The following LDB3 variants were observed in gnomAD, a reference collection of about 807,000 sequenced individuals.
The protein encoded by LDB3 is LIM domain-binding protein 3.
A neutral mutation model predicts 69.0 loss-of-function variants in LDB3; 49 were observed. The ratio of observed to expected loss-of-function variants is 0.71; its 90% confidence interval spans 0.56 to 0.90. The LOEUF is 0.90. Ranked by LOEUF, LDB3 falls within the 40% of genes least tolerant of loss-of-function variation. The probability of loss-of-function intolerance (pLI) is 0.00; values close to 1 mark genes in which losing one functional copy is unlikely to be tolerated. For missense variants in LDB3, 928 were observed against 974.1 expected (o/e 0.95, Z 0.63); for synonymous variants, 387 against 396.2 (o/e 0.98, Z 0.28).
Position 86,716,465 on chromosome 10 carries a change from C to T in LDB3, c.1370C>T (p.Pro457Leu), listed in dbSNP as rs1177441543. 18 of 1,608,038 alleles carry T rather than the reference C, an allele frequency of 1.1e-5. No homozygotes were observed. Among genetic ancestry groups the T allele is most frequent in the Non-Finnish European group, 1.5e-5 (18 of 1,177,810 alleles). Residue 457 changes from proline to leucine, a missense_variant, in exon 10 of 14, where the codon CCA (proline) becomes CTA (leucine). Transcript: ENST00000361373. ...CCTGTCCCCACCTACACTCCATCCC[C>T]AGCACCAGCCTATACCCCCTCACCT... ...PSPVPTYTPSPAPAYTPSPAP... is the reference protein window; with the variant it reads ...PSPVPTYTPSLAPAYTPSPAP...
intron 8 of LDB3, among the ~76,000 whole-genome samples, chr10:86,709,077 G>T (rs565459716): frequency 6.6e-6 from 1 of 152,312 alleles, no homozygotes; most frequent in East Asian, 1.9e-4. Context: ...GTTCTGCAAG[G>T]TGTTCATTAG....
intron 2 of LDB3, among the ~76,000 whole-genome samples, chr10:86,675,692 C>T (rs187456158): frequency 1.3e-5 from 2 of 152,324 alleles, no homozygotes; most frequent in Admixed American, 6.5e-5. Context: ...CTTTGAAATG[C>T]CCGGCAAATG....
chr10:86,692,212 G>A, intron 6 of LDB3, 147 bp downstream of exon 6: 1 of 964,766 alleles, frequency 1.0e-6, no homozygotes, highest in Non-Finnish European at 1.5e-6. Flanking sequence ...TGGCTGGCAG[G>A]GCTCCTTCTG....
intron 5 of LDB3, among the ~76,000 whole-genome samples, chr10:86,691,217 G>A (rs187612447): frequency 4.4e-4 from 67 of 152,332 alleles, no homozygotes; most frequent in Admixed American, 1.4e-3. Context: ...CTAAGGGAAG[G>A]TCACCTGGTC....
chr10:86,703,554 G>T (rs1431410610), intron 7 of LDB3, among the ~76,000 whole-genome samples: 1 of 152,228 alleles, frequency 6.6e-6, no homozygotes, highest in African/African-American at 2.4e-5. Flanking sequence ...TTATGGAGAA[G>T]GATGGCACTC....
chr10:86,671,442 A>T (rs959948700), intron 2 of LDB3, among the ~76,000 whole-genome samples: 1 of 152,180 alleles, frequency 6.6e-6, no homozygotes, highest in Non-Finnish European at 1.5e-5. Context: ...GCATCCCTTC[A>T]TAGGGTCTCT....
upstream of LDB3, among the ~76,000 whole-genome samples, chr10:86,667,285 C>A (rs34499525): frequency 0.03 from 4,634 of 152,214 alleles, 182 homozygotes; most frequent in African/African-American, 0.092. Context: ...TCTACTGACT[C>A]CTCAGGGTCC....
At position 86,695,008 on chromosome 10, in the gene LDB3, G is replaced by A. The variant is rs1002169732; in HGVS notation, c.896+2437G>A. Reference sequence around the variant, plus strand: ...GGGATTCTCAGGGTCTCTCTTGAAGGCTGAGTTTCCCCAGGAAGGCTTCCC... The same window carrying A: ...GGGATTCTCAGGGTCTCTCTTGAAGACTGAGTTTCCCCAGGAAGGCTTCCC... On this transcript the variant is annotated intron_variant, in intron 7 of 13. Coordinates refer to ENST00000361373, the MANE Select transcript of LDB3 (RefSeq NM_007078.3). Among the ~76,000 whole-genome samples, 3 of 152,174 alleles carry A rather than the reference G, an allele frequency of 2.0e-5. No homozygotes were observed. In the East Asian group the frequency reaches 5.8e-4, roughly 29 times the overall value.
At chr10:86,702,750 TG>T (rs1315374249) in intron 7 of LDB3, among the ~76,000 whole-genome samples, 2 of 152,166 alleles carry the variant, frequency 1.3e-5, no homozygotes, top group African/African-American at 4.8e-5. Flanking sequence ...TCAGAGGGTT[TG>T]TGGAACTTCA....
chr10:86,676,064 G>C (rs1320601392), intron 2 of LDB3, among the ~76,000 whole-genome samples: 1 of 152,264 alleles, frequency 6.6e-6, no homozygotes, highest in Non-Finnish European at 1.5e-5. Flanking sequence ...AATGAGTCTG[G>C]GGGTAAGGGC....
At chr10:86,668,878 C>G in intron 2 of LDB3, 94 bp downstream of exon 2, 9 of 978,498 alleles carry the variant, frequency 9.2e-6, no homozygotes, top group Non-Finnish European at 1.4e-5. Flanking sequence ...CTTTCTGAGC[C>G]TCTCAGAAAG....
intron 7 of LDB3, among the ~76,000 whole-genome samples, chr10:86,696,756 C>T (rs1423853007): frequency 6.6e-6 from 1 of 152,194 alleles, no homozygotes; most frequent in Non-Finnish European, 1.5e-5. Flanking sequence ...GGAGCCCCAC[C>T]ACATGGACTT....
chr10:86,682,268 G>A (rs1845198154), intron 5 of LDB3, among the ~76,000 whole-genome samples: 1 of 152,180 alleles, frequency 6.6e-6, no homozygotes, highest in Non-Finnish European at 1.5e-5. Context: ...TCTGGGACTA[G>A]GAATAGTCTG....
rs45578434 is a variant in LDB3 at position 86,734,579 on chromosome 10, T to A, written c.*1603T>A. On this transcript the variant is annotated 3_prime_UTR_variant, in exon 14 of 14. Coordinates refer to ENST00000361373, the MANE Select transcript of LDB3 (RefSeq NM_007078.3). ...TTATGGGAATGTATTAGAACTCTTT[T>A]CTTCTAAGGACTGAGACTTCCAGGG... The A allele has an allele frequency of 6.6e-4, 100 of 152,344 alleles. No individual in the cohort carries two copies. Among genetic ancestry groups the A allele is most frequent in the African/African-American group, 2.2e-3 (93 of 41,586 alleles). The allele number at this position is 152,344 out of a possible 1,614,324, so 9.4% of individuals were successfully genotyped here. A position where few individuals can be genotyped will look rare whatever the true frequency, so the allele number is the denominator to read the frequency against.
At chr10:86,677,589 C>T (rs1461597260) in intron 2 of LDB3, among the ~76,000 whole-genome samples, 1 of 152,134 alleles carries the variant, frequency 6.6e-6, no homozygotes, top group Admixed American at 6.5e-5. Context: ...CCTGAGATTC[C>T]ATGGGGAATT....
At chr10:86,719,358 T>C (rs1258968069) in intron 12 of LDB3, among the ~76,000 whole-genome samples, 3 of 151,548 alleles carry the variant, frequency 2.0e-5, no homozygotes, top group African/African-American at 7.3e-5. Context: ...CACCACTGTA[T>C]TCAGCCTAGG....
In LDB3 at chr10:86,713,016, T is replaced by G. The variant is rs184199319; in HGVS notation, c.1231+2966T>G. 3.9e-4 allele frequency among the ~76,000 whole-genome samples: 60 copies of G among 152,102 alleles called. No homozygotes were observed. In the East Asian group the frequency reaches 0.011, roughly 28 times the overall value. On this transcript the variant is annotated intron_variant, in intron 9 of 13. Coordinates refer to ENST00000361373, the MANE Select transcript of LDB3 (RefSeq NM_007078.3). ...GCAGAGGTGGCTGTGAAGCCGAGAT[T>G]GCGCCACTGCACTCCAACTTGGGCG...
rs527340832 is a variant in LDB3, at chr10:86,700,512, A to C, written c.897-6019A>C. Among the ~76,000 whole-genome samples, 3 of 152,272 alleles carry C rather than the reference A, an allele frequency of 2.0e-5. No individual in the cohort carries two copies. In the East Asian group the frequency reaches 5.8e-4, roughly 29 times the overall value. On this transcript the variant is annotated intron_variant, in intron 7 of 13. Transcript: ENST00000361373. ...CACCTGGGCTGAGAAGCAGTTCACA[A>C]GGGAACTCAGGGGGCCAGGGCTGGG... is the stretch of plus-strand genomic sequence containing the variant.
intron 2 of LDB3, among the ~76,000 whole-genome samples, chr10:86,676,877 C>G (rs1300261201): frequency 6.6e-6 from 1 of 152,242 alleles, no homozygotes; most frequent in Non-Finnish European, 1.5e-5. Flanking sequence ...AAGCCCAGAG[C>G]CTGGCCAGAG....
Sources: gnomAD v4.1 joint callset for allele counts (sites outside exome capture counted in the v4.1 genomes callset) on GRCh38, gnomAD v4.1.1 for gene constraint, MANE v1.5 for transcripts, NCBI Gene and HGNC (gene_info 2026-07-23, HGNC 2026-07-21) for gene names.